The following MTHFD1 variants were observed in gnomAD, a reference collection of about 807,000 sequenced individuals.
MTHFD1 encodes C-1-tetrahydrofolate synthase, cytoplasmic.
A neutral mutation model predicts 110.3 loss-of-function variants in MTHFD1; 44 were observed. That is an observed-to-expected ratio of 0.40 (90% confidence interval 0.31 to 0.51). The LOEUF (loss-of-function observed/expected upper bound fraction) is 0.51. Ranked by LOEUF, MTHFD1 falls within the 20% of genes least tolerant of loss-of-function variation. The pLI is 0.60. For missense variants in MTHFD1, 909 were observed against 1,173.1 expected, an observed-to-expected ratio of 0.77 and a Z score of 3.29; for synonymous variants, 402 against 428.8, an observed-to-expected ratio of 0.94 and a Z score of 0.77.
intron 1 of MTHFD1, among the ~76,000 whole-genome samples, chr14:64,396,866 A>G (rs1490343145): frequency 1.3e-5 from 2 of 149,100 alleles, no homozygotes; most frequent in African/African-American, 4.9e-5. Context: ...GCACTTTGGG[A>G]GGCCGAGGAG....
intron 26 of MTHFD1, 176 bp downstream of exon 26, chr14:64,455,051 C>T (rs2078447207): frequency 3.0e-6 from 2 of 668,896 alleles, no homozygotes. Context: ...CTATATAGCT[C>T]TTGCTGTGGA....
intron 2 of MTHFD1, among the ~76,000 whole-genome samples, chr14:64,410,584 G>C (rs921053890): frequency 2.0e-5 from 3 of 152,118 alleles, no homozygotes; most frequent in Non-Finnish European, 4.4e-5. Context: ...TTTATTCTGT[G>C]TAAACTAGAG....
intron 2 of MTHFD1, among the ~76,000 whole-genome samples, chr14:64,401,168 T>G (rs574161915): frequency 6.6e-6 from 1 of 152,226 alleles, no homozygotes; most frequent in East Asian, 1.9e-4. Flanking sequence ...ATTTATTTAT[T>G]TATTTACTTT....
At chr14:64,416,193 C>T (rs2078024796) in intron 6 of MTHFD1, among the ~76,000 whole-genome samples, 1 of 151,904 alleles carries the variant, frequency 6.6e-6, no homozygotes, top group Admixed American at 6.6e-5. Flanking sequence ...TGCAGTGAGC[C>T]GAGATCACCT....
chr14:64,422,891 C>T (rs1185547566), intron 8 of MTHFD1: 1 of 152,142 alleles, frequency 6.6e-6, no homozygotes, highest in Non-Finnish European at 1.5e-5. Context: ...AGCAGTGTCT[C>T]GTCAACCCTG....
In MTHFD1 at chr14:64,454,859, ACC is replaced by A; in HGVS notation, c.2705_2706del (p.Pro902LeufsTer19). On this transcript the variant is annotated frameshift_variant, in exon 26 of 28. Transcript: ENST00000652337. LOFTEE classifies it high-confidence loss of function. ...GCCAGCGTTGGGGCTGGTTTTCTGT[ACC>A]CCTTAGTAGGAACGGTAAGTGCATG... 6 of 1,614,110 alleles carry A rather than the reference ACC, an allele frequency of 3.7e-6. No homozygotes were observed. The highest frequency in any genetic ancestry group is 5.1e-6 in the Non-Finnish European group (6 of 1,180,016).
chr14:64,454,580 G>A (rs2057494866), intron 25 of MTHFD1, 143 bp from the exon 26 acceptor site: 1 of 699,906 alleles, frequency 1.4e-6, no homozygotes, highest in Admixed American at 2.4e-5. Flanking sequence ...AAATAAGCTG[G>A]AGGACAGCAA....
chr14:64,407,529 T>C (rs1299060549), intron 2 of MTHFD1, among the ~76,000 whole-genome samples: 1 of 145,902 alleles, frequency 6.9e-6, no homozygotes, highest in Non-Finnish European at 1.5e-5. Flanking sequence ...GCCTCATTAG[T>C]ATCTCTCACT....
chr14:64,388,931 TCTTATCATA>T (rs2077784288), intron 1 of MTHFD1: 1 of 198,256 alleles, frequency 5.0e-6, no homozygotes, highest in Non-Finnish European at 1.0e-5. Context: ...TATACCATAG[TCTTATCATA>T]CGCTAAGTGA....
chr14:64,425,773 C>G lies in MTHFD1; in HGVS notation c.899C>G (p.Pro300Arg). ...SAKRFLEKFK[P>R]GKWMIQYNNL... ...AAGCGTTTCCTGGAGAAATTTAAGCCAGGAAAGTGGATGATTCAGTATAAC... is the reference window on the plus strand; with the variant it reads ...AAGCGTTTCCTGGAGAAATTTAAGCGAGGAAAGTGGATGATTCAGTATAAC... Residue 300 changes from proline to arginine, a missense_variant, in exon 10 of 28, where the codon CCA becomes CGA. Physicochemically the swap from Pro to Arg is moderately radical, Grantham distance 103. Around this residue, in one of 3 missense-constraint regions of MTHFD1, gnomAD observed 424 missense variants for 510.4 expected, o/e 0.83. Coordinates refer to ENST00000652337, the MANE Select transcript of MTHFD1 (RefSeq NM_005956.4). 6.2e-7 allele frequency: 1 copy of G among 1,613,498 alleles called. No homozygotes were observed. Among genetic ancestry groups the G allele is most frequent in the East Asian group, 2.2e-5 (1 of 44,878 alleles).
intron 13 of MTHFD1, among the ~76,000 whole-genome samples, chr14:64,431,262 C>T (rs1001789539): frequency 3.3e-5 from 5 of 151,642 alleles, no homozygotes; most frequent in African/African-American, 9.7e-5. Flanking sequence ...GATGGGGTTT[C>T]GCCATGTTGC....
intron 4 of MTHFD1, among the ~76,000 whole-genome samples, chr14:64,413,216 G>T (rs74466664): frequency 0.012 from 1,893 of 152,146 alleles, 38 homozygotes; most frequent in African/African-American, 0.042. Flanking sequence ...GCCAGGCGTG[G>T]TGGCGCATGC....
chr14:64,396,083 G>A (rs922967867), intron 1 of MTHFD1, among the ~76,000 whole-genome samples: 21 of 152,016 alleles, frequency 1.4e-4, no homozygotes, highest in African/African-American at 3.9e-4. Flanking sequence ...TTTCAAATAC[G>A]TATTTGAGGT....
At position 64,449,465 on chromosome 14, in the gene MTHFD1, T is replaced by C; in HGVS notation, c.2300T>C (p.Leu767Pro). 1 of 1,613,742 alleles carries C rather than the reference T, an allele frequency of 6.2e-7. No individual in the cohort carries two copies. Among genetic ancestry groups the C allele is most frequent in the Non-Finnish European group, 8.5e-7 (1 of 1,180,040 alleles). ...NAFKTDTESE[L>P]DLISRLSREH... Reference sequence around the variant, plus strand: ...TATAGGACGGATACAGAGTCTGAGCTGGACCTCATCAGCCGCCTTTCCAGA... The same window carrying C: ...TATAGGACGGATACAGAGTCTGAGCCGGACCTCATCAGCCGCCTTTCCAGA... The change falls in exon 24 of 28, where the codon CTG becomes CCG. Residue 767 changes from leucine (L) to proline (P), a missense_variant. Leu to Pro is a moderately conservative substitution (Grantham distance 98). Transcript: ENST00000652337.
At chr14:64,419,385 C>T (rs756605620) in intron 7 of MTHFD1, 3 of 267,362 alleles carry the variant, frequency 1.1e-5, no homozygotes, top group African/African-American at 2.3e-5. Flanking sequence ...CACACACACA[C>T]GTGCCTGTTG....
In MTHFD1 at chr14:64,424,943, T is replaced by C. The variant is rs1391642394; in HGVS notation, c.855+12T>C. 1 of 1,614,160 alleles carries C rather than the reference T, an allele frequency of 6.2e-7. No homozygotes were observed. Among genetic ancestry groups the C allele is most frequent in the South Asian group, 1.1e-5 (1 of 91,076 alleles). ...CAATGCTCATGCAGGTAATTGTGAATAAAAGTTTCTATAAGAGTTCTGAAA... is the reference window on the plus strand; with the variant it reads ...CAATGCTCATGCAGGTAATTGTGAACAAAAGTTTCTATAAGAGTTCTGAAA... On this transcript the variant is annotated intron_variant, in intron 9 of 27. Coordinates refer to ENST00000652337, the MANE Select transcript of MTHFD1 (RefSeq NM_005956.4).
At chr14:64,393,600 A>G (rs1204495813) in intron 1 of MTHFD1, among the ~76,000 whole-genome samples, 1 of 152,192 alleles carries the variant, frequency 6.6e-6, no homozygotes, top group African/African-American at 2.4e-5. Context: ...GCGATAGTGC[A>G]GCAGAGCCCA....
rs57528409 is a variant in MTHFD1 at position 64,449,227 on chromosome 14, G to A, written c.2280-218G>A. On this transcript the variant is annotated intron_variant, in intron 23 of 27. Transcript: ENST00000652337. The stretch of plus-strand genomic sequence containing the variant: ...TGAAATAAGTGCTGTGATTATTCGC[G>A]TATTACCAGGGTGGAAATTGAGGCA... 1.4e-3 allele frequency: 895 copies of A among 617,530 alleles called. 16 individuals are homozygous for A. In the East Asian group the frequency reaches 0.021, roughly 15 times the overall value. The allele number at this position is 617,530 out of a possible 1,614,324, so 38.3% of individuals were successfully genotyped here.
In MTHFD1 at chr14:64,406,108, G is replaced by A. The variant is rs796887765; in HGVS notation, c.127-4982G>A. Among the ~76,000 whole-genome samples the A allele has an allele frequency of 2.8e-4, 42 of 150,390 alleles. 1 individual carries two copies. The East Asian group carries it at 6.1e-3, about 22-fold the overall frequency. The stretch of plus-strand genomic sequence containing the variant: ...GGCTGGAGTGCAATGGCACGATCTC[G>A]GCGCACTGCAACCTCCACCTCCTGG... On this transcript the variant is annotated intron_variant, in intron 2 of 27. Coordinates refer to ENST00000652337, the MANE Select transcript of MTHFD1 (RefSeq NM_005956.4).
Sources: gnomAD v4.1 joint callset for allele counts (sites outside exome capture counted in the v4.1 genomes callset) on GRCh38, gnomAD v4.1.1 for gene constraint, gnomAD v4.1.1 regional missense constraint, MANE v1.5 for transcripts, NCBI Gene and HGNC (gene_info 2026-07-23, HGNC 2026-07-21) for gene names.